Variants in CTNND2 observed in about 807,000 individuals in gnomAD.
CTNND2 encodes catenin delta 2, also known as catenin delta-2.
Under a neutral mutation model 144.4 loss-of-function variants are expected in CTNND2, and 22 were observed. That is an observed-to-expected ratio of 0.15 (90% CI 0.11 to 0.22). The LOEUF is 0.22. Ranked by LOEUF, CTNND2 falls within the 10% of genes least tolerant of loss-of-function variation. CTNND2 has a pLI of 1.00. For synonymous variants in CTNND2, 751 were observed against 695.6 expected (o/e 1.08, Z -1.25); for missense variants, 1,353 against 1,618.8 (o/e 0.84, Z 2.82).
intron 3 of CTNND2, among the ~76,000 whole-genome samples, chr5:11,513,339 A>G (rs1000384854): frequency 6.6e-6 from 1 of 152,174 alleles, no homozygotes; most frequent in African/African-American, 2.4e-5. Context: ...GTTTCAACTA[A>G]TAATAAACAA....
At chr5:11,001,822 A>C (rs1303929183) in intron 18 of CTNND2, among the ~76,000 whole-genome samples, 1 of 151,962 alleles carries the variant, frequency 6.6e-6, no homozygotes, top group Non-Finnish European at 1.5e-5. Flanking sequence ...TTAAATGGTA[A>C]TTCCTCTCCA....
intron 3 of CTNND2, among the ~76,000 whole-genome samples, chr5:11,503,622 A>G (rs1055634944): frequency 9.9e-5 from 15 of 152,202 alleles, no homozygotes; most frequent in Admixed American, 3.3e-4. Flanking sequence ...GTTTATTACC[A>G]CTGCCTAAGG....
chr5:11,766,028 A>G (rs1789567917), intron 1 of CTNND2, among the ~76,000 whole-genome samples: 2 of 152,164 alleles, frequency 1.3e-5, no homozygotes, highest in Non-Finnish European at 2.9e-5. Flanking sequence ...ATTTTGGGAA[A>G]TCTCATGACA....
At chr5:11,643,859 C>T (rs928352214) in intron 2 of CTNND2, among the ~76,000 whole-genome samples, 1 of 152,064 alleles carries the variant, frequency 6.6e-6, no homozygotes, top group Admixed American at 6.6e-5. Context: ...GCTCTGCATA[C>T]ATGAAGTAAA....
chr5:11,046,623 C>G (rs777608093), intron 16 of CTNND2, among the ~76,000 whole-genome samples: 9 of 152,198 alleles, frequency 5.9e-5, no homozygotes, highest in Non-Finnish European at 1.2e-4. Context: ...CATGTCTCAT[C>G]AGTCATATGG....
At chr5:11,755,766 C>T (rs11133667) in intron 1 of CTNND2, among the ~76,000 whole-genome samples, 145,151 of 151,452 alleles carry the variant, frequency 0.96, 69,850 homozygotes, top group East Asian at 1. Flanking sequence ...TTGAAGTGAG[C>T]TTTTCAGCTC....
intron 11 of CTNND2, among the ~76,000 whole-genome samples, chr5:11,192,536 C>T (rs763193877): frequency 9.9e-5 from 15 of 151,804 alleles, no homozygotes; most frequent in Admixed American, 8.5e-4. Flanking sequence ...TCTAATCACA[C>T]GGGGCTTTAA....
At chr5:11,654,394 T>C (rs571172815) in intron 2 of CTNND2, among the ~76,000 whole-genome samples, 93 of 152,210 alleles carry the variant, frequency 6.1e-4, no homozygotes, top group African/African-American at 2.2e-3. Context: ...TTGTGTCATC[T>C]TCAATGTCTT....
At chr5:11,858,168 T>G (rs1795335902) in intron 1 of CTNND2, among the ~76,000 whole-genome samples, 1 of 152,204 alleles carries the variant, frequency 6.6e-6, no homozygotes, top group South Asian at 2.1e-4. Flanking sequence ...CAGTTTTAAT[T>G]TGATGTTTCT....
chr5:11,120,703 A>AAG, intron 12 of CTNND2, among the ~76,000 whole-genome samples: 1 of 134,086 alleles, frequency 7.5e-6, no homozygotes, highest in Admixed American at 7.6e-5. Context: ...GTATACATAC[A>AAG]GACTTCAAGA....
chr5:11,490,051 G>A (rs1036917695), intron 3 of CTNND2, among the ~76,000 whole-genome samples: 1 of 152,184 alleles, frequency 6.6e-6, no homozygotes, highest in South Asian at 2.1e-4. Context: ...GATAGGTGGT[G>A]CAGGCAAACC....
chr5:11,405,176 C>T (rs1268125882), intron 5 of CTNND2, among the ~76,000 whole-genome samples: 2 of 152,130 alleles, frequency 1.3e-5, no homozygotes, highest in African/African-American at 4.8e-5. Context: ...GAAATTCCCA[C>T]CAGGTTCTAC....
intron 9 of CTNND2, among the ~76,000 whole-genome samples, chr5:11,243,707 C>T (rs755779577): frequency 6.6e-6 from 1 of 152,118 alleles, no homozygotes; most frequent in Admixed American, 6.5e-5. Context: ...AAAATCAAAA[C>T]GCTCAGCACA....
intron 11 of CTNND2, among the ~76,000 whole-genome samples, chr5:11,169,775 C>A (rs533031278): frequency 6.6e-6 from 1 of 152,162 alleles, no homozygotes; most frequent in Admixed American, 6.5e-5. Flanking sequence ...TCCAAGAGTC[C>A]CCGGATTGGA....
At chr5:11,495,301 T>A (rs1168382161) in intron 3 of CTNND2, among the ~76,000 whole-genome samples, 1 of 152,204 alleles carries the variant, frequency 6.6e-6, no homozygotes, top group Admixed American at 6.5e-5. Flanking sequence ...AAATGCCAAA[T>A]ACTTCACTTT....
intron 10 of CTNND2, among the ~76,000 whole-genome samples, chr5:11,230,270 T>C (rs1740857590): frequency 1.4e-5 from 2 of 147,836 alleles, no homozygotes; most frequent in African/African-American, 2.5e-5. Context: ...TAATGCTAGA[T>C]GACGAGTTAG....
intron 3 of CTNND2, among the ~76,000 whole-genome samples, chr5:11,553,820 T>A (rs1345016835): frequency 6.6e-6 from 1 of 152,140 alleles, no homozygotes; most frequent in Non-Finnish European, 1.5e-5. Flanking sequence ...TTGTAAAACA[T>A]CTGTTTATAC....
At chr5:11,418,983 T>C (rs1181540914) in intron 3 of CTNND2, among the ~76,000 whole-genome samples, 1 of 150,730 alleles carries the variant, frequency 6.6e-6, no homozygotes, top group Non-Finnish European at 1.5e-5. Context: ...TTAATACATA[T>C]ACATGCATCT....
intron 8 of CTNND2, among the ~76,000 whole-genome samples, chr5:11,363,611 T>C (rs748165219): frequency 7.2e-5 from 11 of 152,298 alleles, no homozygotes; most frequent in Middle Eastern, 3.4e-3. Context: ...AAAAATAAAA[T>C]AAAGAGTATT....
Sources: gnomAD v4.1 joint callset for allele counts (sites outside exome capture counted in the v4.1 genomes callset) on GRCh38, gnomAD v4.1.1 for gene constraint, MANE v1.5 for transcripts, NCBI Gene and HGNC (gene_info 2026-07-23, HGNC 2026-07-21) for gene names.